The following CLDN18 variants were observed in gnomAD, a reference collection of about 807,000 sequenced individuals.
The protein encoded by CLDN18 is claudin-18.
Under a neutral mutation model 25.0 loss-of-function variants are expected in CLDN18, and 20 were observed. The observed-to-expected ratio is 0.80, with a 90% CI of 0.56 to 1.16. The LOEUF (loss-of-function observed/expected upper bound fraction) is 1.16. CLDN18 is among the 50% of genes most tolerant of loss of function. The pLI, the probability that CLDN18 is intolerant of heterozygous loss-of-function variation, is 0.00. For missense variants in CLDN18, 297 were observed against 345.4 expected (o/e 0.86, Z 1.11); for synonymous variants, 125 against 135.6 (o/e 0.92, Z 0.54).
intron 1 of CLDN18, among the ~76,000 whole-genome samples, chr3:138,003,210 C>T (rs1352891702): frequency 1.3e-5 from 2 of 152,168 alleles, no homozygotes; most frequent in Non-Finnish European, 1.5e-5. Context: ...CCAGTTATGG[C>T]AACCAAAAGT....
rs2107891873 is a variant in CLDN18 at position 138,031,799 on chromosome 3, C to T, written c.*658C>T. 6.6e-6 allele frequency: 1 copy of T among 152,318 alleles called. No homozygotes were observed. Among genetic ancestry groups the T allele is most frequent in the African/African-American group, 2.4e-5 (1 of 41,572 alleles). 9.4% of individuals were successfully genotyped at this position (152,318 alleles called of 1,614,324 possible). On this transcript the variant is annotated 3_prime_UTR_variant, in exon 5 of 5. Coordinates refer to ENST00000183605, the MANE Select transcript of CLDN18 (RefSeq NM_016369.4). ...ACAGCAACACCATTCTAGGAGTTTC[C>T]TGAGCTCTCCACTGGAGTCCTCTTT...
At chr3:138,009,521 C>T (rs1197634072), upstream of CLDN18, among the ~76,000 whole-genome samples, 1 of 152,102 alleles carries the variant, frequency 6.6e-6, no homozygotes, top group Non-Finnish European at 1.5e-5. Flanking sequence ...TTTGCCTGCC[C>T]CTGCTGCTCC....
chr3:138,031,243 T>G lies in CLDN18; in HGVS notation c.*102T>G, dbSNP rs1366409571. 1.8e-6 allele frequency: 2 copies of G among 1,110,854 alleles called. No homozygotes were observed. Among genetic ancestry groups the G allele is most frequent in the African/African-American group, 1.6e-5 (1 of 63,860 alleles). The allele number at this position is 1,110,854 out of a possible 1,614,324, so 68.8% of individuals were successfully genotyped here. A position where few individuals can be genotyped will look rare whatever the true frequency, so the allele number is the denominator to read the frequency against. ...TTTCTTCTTGCTTTTGACTCACAGC[T>G]GGAAGTTAGAAAAGCCTCGATTTCA... On this transcript the variant is annotated 3_prime_UTR_variant, in exon 5 of 5. Coordinates refer to ENST00000183605, the MANE Select transcript of CLDN18 (RefSeq NM_016369.4).
chr3:138,019,058 A>C (rs989202895), intron 1 of CLDN18, among the ~76,000 whole-genome samples: 3 of 152,232 alleles, frequency 2.0e-5, no homozygotes, highest in Non-Finnish European at 2.9e-5. Flanking sequence ...TGGAGTTGCC[A>C]AGGGATACGT....
At chr3:138,006,229 A>T (rs1375577157), upstream of CLDN18, among the ~76,000 whole-genome samples, 1 of 152,218 alleles carries the variant, frequency 6.6e-6, no homozygotes, top group African/African-American at 2.4e-5. Flanking sequence ...AAAAATTAAT[A>T]GATGTGTCAA....
At chr3:138,026,472 C>T (rs1011026300) in intron 3 of CLDN18, among the ~76,000 whole-genome samples, 1 of 152,046 alleles carries the variant, frequency 6.6e-6, no homozygotes, top group Non-Finnish European at 1.5e-5. Flanking sequence ...ATGGTGAAAC[C>T]CCATCTCTAC....
rs147381331 is a variant in CLDN18, at chr3:138,027,375, C to G, written c.504-2422C>G. On this transcript the variant is annotated intron_variant, in intron 3 of 4. Coordinates refer to ENST00000183605, the MANE Select transcript of CLDN18 (RefSeq NM_016369.4). ...TTCACATTTAAGTTTCTTGCCTGTC[C>G]CAGGTAAGTATTTAGGTTTGCTAAC... is the stretch of plus-strand genomic sequence containing the variant. Among the ~76,000 whole-genome samples, 169 of 152,246 alleles carry G rather than the reference C, an allele frequency of 1.1e-3. 1 individual carries two copies. The highest frequency in any genetic ancestry group is 3.5e-3 in the African/African-American group (147 of 41,526).
chr3:138,030,216 G>A (rs1242313316), intron 4 of CLDN18, among the ~76,000 whole-genome samples: 2 of 152,252 alleles, frequency 1.3e-5, no homozygotes, highest in South Asian at 2.1e-4. Flanking sequence ...CTGGCAACAC[G>A]TGAAGACATT....
At chr3:138,014,579 T>C (rs3773771) in intron 1 of CLDN18, among the ~76,000 whole-genome samples, 56,690 of 151,554 alleles carry the variant, frequency 0.37, 11,702 homozygotes, top group Middle Eastern at 0.58. Flanking sequence ...AACTGGGGGA[T>C]AGTTCCCAGC....
At chr3:138,018,847 A>T (rs1485772146) in intron 1 of CLDN18, among the ~76,000 whole-genome samples, 88 of 152,156 alleles carry the variant, frequency 5.8e-4, no homozygotes, top group Non-Finnish European at 1.5e-5. Context: ...CTGCTCATTG[A>T]GGGTCTTCTG....
chr3:138,008,220 G>C (rs1349627489), upstream of CLDN18, among the ~76,000 whole-genome samples: 9 of 144,886 alleles, frequency 6.2e-5, no homozygotes, highest in Non-Finnish European at 7.6e-5. Context: ...ATGTATGTGG[G>C]GGGGGAGTGT....
chr3:138,004,852 C>T (rs958909776), intron 1 of CLDN18: 5 of 151,770 alleles, frequency 3.3e-5, no homozygotes, highest in South Asian at 2.1e-4. Flanking sequence ...GGAAATTATT[C>T]TCTAAGCATA....
exon 1 of CLDN18, chr3:137,998,904 G>A (rs1941985402): frequency 1.2e-6 from 2 of 1,614,108 alleles, no homozygotes; most frequent in South Asian, 2.2e-5. Flanking sequence ...TGGGGTTCGT[G>A]GTTTCACTGA....
chr3:138,023,037 A>C (rs1477978777), intron 1 of CLDN18, among the ~76,000 whole-genome samples: 1 of 152,252 alleles, frequency 6.6e-6, no homozygotes, highest in Non-Finnish European at 1.5e-5. Context: ...TGAAAGGCCT[A>C]ATATTGTTAT....
intron 3 of CLDN18, among the ~76,000 whole-genome samples, chr3:138,025,084 C>T (rs149177084): frequency 6.6e-6 from 1 of 152,312 alleles, no homozygotes; most frequent in African/African-American, 2.4e-5. Flanking sequence ...TGGAACCTGG[C>T]TAGGAACAGG....
chr3:138,013,607 T>C (rs1321801078), intron 1 of CLDN18, among the ~76,000 whole-genome samples: 4 of 152,232 alleles, frequency 2.6e-5, no homozygotes, highest in African/African-American at 4.8e-5. Flanking sequence ...CCCCAGGAGC[T>C]GGGAGATGTA....
chr3:138,014,214 G>A (rs1308847052), intron 1 of CLDN18, among the ~76,000 whole-genome samples: 4 of 152,170 alleles, frequency 2.6e-5, no homozygotes, highest in Non-Finnish European at 5.9e-5. Flanking sequence ...ACCCTGAGAT[G>A]TTTCAGACCC....
chr3:138,020,710 A>T (rs1391923274), intron 1 of CLDN18, among the ~76,000 whole-genome samples: 3 of 152,220 alleles, frequency 2.0e-5, no homozygotes, highest in African/African-American at 7.2e-5. Flanking sequence ...AGTTACATTT[A>T]TAAATAATCT....
chr3:138,009,131 A>G (rs1443185078), upstream of CLDN18, among the ~76,000 whole-genome samples: 1 of 152,246 alleles, frequency 6.6e-6, no homozygotes, highest in Non-Finnish European at 1.5e-5. Flanking sequence ...AAGATAGTGT[A>G]TGAGATCTGA....
Sources: allele counts gnomAD v4.1 joint callset (sites outside exome capture counted in the v4.1 genomes callset), GRCh38; gene constraint gnomAD v4.1.1; transcripts MANE v1.5; gene names NCBI Gene and HGNC (gene_info 2026-07-23, HGNC 2026-07-21).